Variants in SOX5 observed in about 807,000 individuals in gnomAD.
The protein encoded by SOX5 is SRY-box transcription factor 5.
Under a neutral mutation model 92.0 loss-of-function variants are expected in SOX5, and 9 were observed. The observed-to-expected ratio is 0.10, with a 90% confidence interval of 0.06 to 0.17. The LOEUF is 0.17. SOX5 is among the 10% of genes least tolerant of loss of function. The pLI, the probability that SOX5 is intolerant of heterozygous loss-of-function variation, is 1.00. For missense variants in SOX5, 642 were observed against 944.5 expected (o/e 0.68, Z 4.20); for synonymous variants, 344 against 336.3 (o/e 1.02, Z -0.25).
intron 4 of SOX5, among the ~76,000 whole-genome samples, chr12:24,201,361 G>A (rs867310537): frequency 1.3e-4 from 19 of 151,238 alleles, no homozygotes; most frequent in Admixed American, 2.6e-4. Flanking sequence ...AAAAAAAAAT[G>A]CACCTGCATA....
intron 6 of SOX5, among the ~76,000 whole-genome samples, chr12:23,715,099 A>T (rs1292764340): frequency 6.6e-6 from 1 of 152,084 alleles, no homozygotes; most frequent in Non-Finnish European, 1.5e-5. Flanking sequence ...GGAGATCAAG[A>T]CCATCCTGGC....
chr12:24,092,310 A>ATT (rs11285782), intron 4 of SOX5, among the ~76,000 whole-genome samples: 1 of 150,254 alleles, frequency 6.7e-6, no homozygotes, highest in Non-Finnish European at 1.5e-5. Flanking sequence ...ATGCTGCGGA[A>ATT]TTTTTTTTTT....
At chr12:23,600,061 G>C in intron 9 of SOX5, among the ~76,000 whole-genome samples, 1 of 152,120 alleles carries the variant, frequency 6.6e-6, no homozygotes, top group Non-Finnish European at 1.5e-5. Flanking sequence ...TAAAACATTT[G>C]TTAAGGCCAT....
At position 24,496,522 on chromosome 12, in the gene SOX5, C is replaced by T. The variant is rs1222369661; in HGVS notation, c.-251+65807G>A. Among the ~76,000 whole-genome samples, 3 of 152,090 alleles carry T rather than the reference C, an allele frequency of 2.0e-5. No homozygotes were observed. The South Asian group carries it at 6.2e-4, about 32-fold the overall frequency. On this transcript the variant is annotated intron_variant, in intron 1 of 4. Transcript: ENST00000446891. The stretch of plus-strand genomic sequence containing the variant: ...TGTCTGGCTCAGCTTACCCTAACTT[C>T]GCAATTTCCAGGTAACTTATGTAAT...
At chr12:24,023,551 A>T (rs1476126672) in intron 4 of SOX5, among the ~76,000 whole-genome samples, 1 of 152,096 alleles carries the variant, frequency 6.6e-6, no homozygotes, top group Non-Finnish European at 1.5e-5. Context: ...TTCAAATTAC[A>T]CTCAACAAAA....
intron 9 of SOX5, among the ~76,000 whole-genome samples, chr12:23,579,275 C>T (rs910236937): frequency 3.3e-5 from 5 of 152,100 alleles, no homozygotes; most frequent in Non-Finnish European, 5.9e-5. Flanking sequence ...AAGTGCAAGG[C>T]CCCAAGGACA....
At chr12:24,353,383 C>T (rs1954358288) in intron 2 of SOX5, among the ~76,000 whole-genome samples, 1 of 152,146 alleles carries the variant, frequency 6.6e-6, no homozygotes. Context: ...TGTAGAACTA[C>T]ACACTTTTTT....
At chr12:24,440,247 C>T (rs777969306) in intron 1 of SOX5, among the ~76,000 whole-genome samples, 22 of 152,120 alleles carry the variant, frequency 1.4e-4, no homozygotes, top group African/African-American at 2.4e-4. Context: ...ATGCCACAGA[C>T]GCTGACTGAG....
chr12:24,408,901 T>C (rs1310273557), intron 1 of SOX5, among the ~76,000 whole-genome samples: 1 of 152,180 alleles, frequency 6.6e-6, no homozygotes, highest in East Asian at 1.9e-4. Context: ...ATTCAACCAT[T>C]GTGGAAGACA....
intron 3 of SOX5, among the ~76,000 whole-genome samples, chr12:24,250,125 A>G (rs1009953901): frequency 3.3e-5 from 5 of 152,232 alleles, no homozygotes; most frequent in African/African-American, 1.2e-4. Context: ...GCGTATTCCC[A>G]AAATCACCTC....
At chr12:24,162,986 T>C (rs1285369318) in intron 4 of SOX5, among the ~76,000 whole-genome samples, 1 of 152,098 alleles carries the variant, frequency 6.6e-6, no homozygotes, top group Non-Finnish European at 1.5e-5. Context: ...AAATGAGCTC[T>C]GCAAATATTA....
At chr12:24,506,974 T>C (rs1948848612) in intron 1 of SOX5, among the ~76,000 whole-genome samples, 1 of 151,662 alleles carries the variant, frequency 6.6e-6, no homozygotes, top group Non-Finnish European at 1.5e-5. Context: ...GTATTTTTAG[T>C]AGAGACGGGG....
At chr12:24,384,738 A>G (rs1958200475) in intron 1 of SOX5, among the ~76,000 whole-genome samples, 1 of 152,216 alleles carries the variant, frequency 6.6e-6, no homozygotes, top group South Asian at 2.1e-4. Flanking sequence ...GGTGGAGGAC[A>G]TGAACGGAAA....
rs150916507 is a variant in SOX5 at position 23,963,650 on chromosome 12, C to T, written c.-1-67626G>A. 1.7e-3 allele frequency among the ~76,000 whole-genome samples: 251 copies of T among 150,864 alleles called. 2 individuals are homozygous for T. Among genetic ancestry groups the T allele is most frequent in the African/African-American group, 5.8e-3 (237 of 41,094 alleles). On this transcript the variant is annotated intron_variant, in intron 4 of 4. Coordinates refer to the SOX5 transcript ENST00000446891. Reference sequence around the variant, plus strand: ...TGAGTCTAGCATACATGCATGCAGGCATGCATGAATGAAGTACAAAAAAAT... The same window carrying T: ...TGAGTCTAGCATACATGCATGCAGGTATGCATGAATGAAGTACAAAAAAAT...
chr12:23,748,643 C>T (rs535575862), intron 4 of SOX5, among the ~76,000 whole-genome samples: 30 of 151,986 alleles, frequency 2.0e-4, no homozygotes, highest in Non-Finnish European at 3.5e-4. Context: ...CCTCAAAAAA[C>T]TTACCAAAAA....
At chr12:23,833,298 G>T (rs985731304) in intron 3 of SOX5, among the ~76,000 whole-genome samples, 3 of 151,846 alleles carry the variant, frequency 2.0e-5, no homozygotes, top group Non-Finnish European at 4.4e-5. Context: ...TGGAGGGAAA[G>T]ATCCAATAAT....
chr12:23,895,713 C>T, intron 2 of SOX5, 80 bp downstream of exon 2: 1 of 931,770 alleles, frequency 1.1e-6, no homozygotes, highest in Admixed American at 1.9e-5. Flanking sequence ...AATTATAAAG[C>T]AAAGGACTGA....
intron 3 of SOX5, among the ~76,000 whole-genome samples, chr12:24,240,714 C>T (rs1384349795): frequency 6.6e-6 from 1 of 152,152 alleles, no homozygotes; most frequent in Non-Finnish European, 1.5e-5. Context: ...CTCCAGGACA[C>T]TTCCCTTGGT....
At chr12:23,766,793 A>C (rs1318839974) in intron 3 of SOX5, among the ~76,000 whole-genome samples, 3 of 152,170 alleles carry the variant, frequency 2.0e-5, no homozygotes, top group Non-Finnish European at 4.4e-5. Context: ...AAAAAAGTCA[A>C]AGTAAAATGC....
Sources: gnomAD v4.1 joint callset for allele counts (sites outside exome capture counted in the v4.1 genomes callset) on GRCh38, gnomAD v4.1.1 for gene constraint, MANE v1.5 for transcripts, NCBI Gene and HGNC (gene_info 2026-07-23, HGNC 2026-07-21) for gene names.